GCNT2: variants seen among roughly 807,000 people sequenced by gnomAD.
GCNT2 encodes the protein glucosaminyl (N-acetyl) transferase 2 (I blood group), also known as N-acetyllactosaminide beta-1,6-N-acetylglucosaminyl-transferase.
In GCNT2, 34 loss-of-function variants were observed where a neutral mutation model predicts 34.2. The ratio of observed to expected loss-of-function variants is 1.00; its 90% CI spans 0.76 to 1.32. The LOEUF (loss-of-function observed/expected upper bound fraction) is 1.32, where lower values mean the gene tolerates loss of function less well. Ranked by LOEUF, GCNT2 falls within the 40% of genes most tolerant of loss-of-function variation. The pLI, the probability that GCNT2 is intolerant of heterozygous loss-of-function variation, is 0.00. For missense variants in GCNT2, 584 were observed against 489.4 expected (o/e 1.19, Z -1.82); for synonymous variants, 212 against 188.0 (o/e 1.13, Z -1.04).
chr6:10,590,012 C>G (rs773483304), intron 3 of GCNT2, among the ~76,000 whole-genome samples: 1 of 152,174 alleles, frequency 6.6e-6, no homozygotes, highest in Admixed American at 6.5e-5. Flanking sequence ...CCCACAGCAT[C>G]CAACCGCGAT....
intron 4 of GCNT2, among the ~76,000 whole-genome samples, chr6:10,625,714 G>GC (rs953515686): frequency 1.3e-4 from 20 of 152,004 alleles, no homozygotes; most frequent in Non-Finnish European, 2.1e-4. Flanking sequence ...AATACCGTAG[G>GC]CCCCCCTTAT....
chr6:10,596,866 A>G (rs1476917934), intron 3 of GCNT2, among the ~76,000 whole-genome samples: 1 of 152,132 alleles, frequency 6.6e-6, no homozygotes, highest in South Asian at 2.1e-4. Context: ...TATGAGATTC[A>G]TTGTTGTTAA....
At chr6:10,569,785 A>C (rs1763457490) in intron 3 of GCNT2, among the ~76,000 whole-genome samples, 1 of 152,072 alleles carries the variant, frequency 6.6e-6, no homozygotes, top group African/African-American at 2.4e-5. Flanking sequence ...GACTACTCAT[A>C]AACCTGTCTT....
At chr6:10,545,213 G>T (rs76589066) in intron 3 of GCNT2, among the ~76,000 whole-genome samples, 4,940 of 151,850 alleles carry the variant, frequency 0.033, 106 homozygotes, top group Middle Eastern at 0.068. Flanking sequence ...TGAAGGGTTC[G>T]TGCTGAAGTC....
chr6:10,600,119 T>C (rs147585315), intron 3 of GCNT2, among the ~76,000 whole-genome samples: 2,908 of 152,314 alleles, frequency 0.019, 96 homozygotes, highest in African/African-American at 0.066. Context: ...CAATAATCTT[T>C]CTATATTTAG....
intron 3 of GCNT2, among the ~76,000 whole-genome samples, chr6:10,564,003 C>T (rs1346481686): frequency 6.6e-6 from 1 of 151,988 alleles, no homozygotes. Context: ...TCTTATTCAG[C>T]TTGCGGAATG....
At chr6:10,559,345 TTC>T (rs1421389537) in intron 3 of GCNT2, among the ~76,000 whole-genome samples, 5 of 152,322 alleles carry the variant, frequency 3.3e-5, no homozygotes, top group African/African-American at 1.2e-4. Context: ...CTACCTTTTC[TTC>T]TCTTTTTTAG....
At chr6:10,578,452 T>TC in intron 3 of GCNT2, among the ~76,000 whole-genome samples, 1 of 142,206 alleles carries the variant, frequency 7.0e-6, no homozygotes, top group East Asian at 2.0e-4. Context: ...ATTCTTTTTT[T>TC]TTTTTTTTTT....
chr6:10,581,840 A>G (rs1461546331), intron 3 of GCNT2: 1 of 984,994 alleles, frequency 1.0e-6, no homozygotes, highest in African/African-American at 1.7e-5. Flanking sequence ...CAAATTTTAC[A>G]GAAAAGGGTG....
At chr6:10,553,153 T>TA (rs953875016) in intron 3 of GCNT2, among the ~76,000 whole-genome samples, 6 of 152,164 alleles carry the variant, frequency 3.9e-5, no homozygotes, top group African/African-American at 1.4e-4. Context: ...TATGAGGGTG[T>TA]AATGAAGTGT....
chr6:10,616,735 T>C (rs910370999), intron 3 of GCNT2, among the ~76,000 whole-genome samples: 2 of 152,032 alleles, frequency 1.3e-5, no homozygotes, highest in Non-Finnish European at 2.9e-5. Flanking sequence ...TTTACAAACC[T>C]TGAGGTAGAT....
chr6:10,531,208 G>A (rs899916328), intron 3 of GCNT2, among the ~76,000 whole-genome samples: 2 of 152,130 alleles, frequency 1.3e-5, no homozygotes, highest in East Asian at 3.8e-4. Context: ...TTTCAATAAG[G>A]TCTCAATTGT....
chr6:10,575,187 A>G (rs1763749771), intron 3 of GCNT2: 3 of 394,142 alleles, frequency 7.6e-6, no homozygotes, highest in South Asian at 5.0e-5. Flanking sequence ...CTTAGAGAAC[A>G]TACATTGGGT....
intron 3 of GCNT2, among the ~76,000 whole-genome samples, chr6:10,536,304 G>A (rs1027305215): frequency 1.3e-5 from 2 of 152,076 alleles, no homozygotes; most frequent in Admixed American, 1.3e-4. Context: ...TATTAGCTCC[G>A]CTTAAGCAAT....
rs543940245 is a variant in GCNT2, at chr6:10,575,009, T to C, written c.925+45173T>C. ...CCCTTAACTTGTTTGTTTACAACAATGCCAACGGCATGCTGGGGAACACTG... is the reference window on the plus strand; with the variant it reads ...CCCTTAACTTGTTTGTTTACAACAACGCCAACGGCATGCTGGGGAACACTG... On this transcript the variant is annotated intron_variant, in intron 3 of 4. Transcript: ENST00000495262. 49 of 685,482 alleles carry C rather than the reference T, an allele frequency of 7.1e-5. No homozygotes were observed. The East Asian group carries it at 1.3e-3, about 19-fold the overall frequency. The allele number at this position is 685,482 out of a possible 1,614,324, so 42.5% of individuals were successfully genotyped here. A position where few individuals can be genotyped will look rare whatever the true frequency, so the allele number is the denominator to read the frequency against.
intron 3 of GCNT2, among the ~76,000 whole-genome samples, chr6:10,619,040 C>T (rs1052646938): frequency 2.6e-5 from 4 of 152,010 alleles, no homozygotes; most frequent in Non-Finnish European, 5.9e-5. Context: ...AAAGAACAGA[C>T]CTTTTTTCTT....
intron 3 of GCNT2, among the ~76,000 whole-genome samples, chr6:10,558,693 G>C (rs758845677): frequency 5.3e-5 from 8 of 152,252 alleles, no homozygotes; most frequent in Non-Finnish European, 8.8e-5. Flanking sequence ...AAGGCTGGTA[G>C]GTGCTCTCAG....
intron 3 of GCNT2, among the ~76,000 whole-genome samples, chr6:10,599,162 G>C (rs542929735): frequency 3.9e-4 from 59 of 152,234 alleles, no homozygotes; most frequent in Middle Eastern, 3.4e-3. Context: ...TAGTACCAGA[G>C]CTCATCCTGC....
intron 3 of GCNT2, among the ~76,000 whole-genome samples, chr6:10,587,778 C>T (rs1764423288): frequency 6.6e-6 from 1 of 152,114 alleles, no homozygotes. Context: ...CTGTGACCTG[C>T]GTTACGTCTT....
Sources: gnomAD v4.1 joint callset for allele counts (sites outside exome capture counted in the v4.1 genomes callset) on GRCh38, gnomAD v4.1.1 for gene constraint, MANE v1.5 for transcripts, NCBI Gene and HGNC (gene_info 2026-07-23, HGNC 2026-07-21) for gene names.